Variants in RAB44 observed in about 807,000 individuals in gnomAD.
RAB44 encodes the protein RAB44, member RAS oncogene family.
Under a neutral mutation model 93.3 loss-of-function variants are expected in RAB44, and 67 were observed. The observed-to-expected ratio is 0.72, with a 90% CI of 0.59 to 0.88. RAB44 has a LOEUF of 0.88. Ranked by LOEUF, RAB44 falls within the 40% of genes least tolerant of loss-of-function variation. The pLI is 0.00. For missense variants in RAB44, 1,064 were observed against 1,261.7 expected, an observed-to-expected ratio of 0.84 and a Z score of 2.37; for synonymous variants, 427 against 520.3, an observed-to-expected ratio of 0.82 and a Z score of 2.44.
chr6:36,717,421 T>G lies in RAB44; in HGVS notation c.641+2T>G. The G allele has an allele frequency of 7.3e-6, 9 of 1,231,884 alleles. No homozygotes were observed. The highest frequency in any genetic ancestry group is 9.1e-6 in the Non-Finnish European group (9 of 987,968). The allele number at this position is 1,231,884 out of a possible 1,614,324, so 76.3% of individuals were successfully genotyped here. A position where few individuals can be genotyped will look rare whatever the true frequency, so the allele number is the denominator to read the frequency against. The stretch of plus-strand genomic sequence containing the variant: ...GGCCCTGGAGCTGACCCTGAGGAAG[T>G]GAGTGGGGGGCCTGGCCGGGTGTCT... On this transcript the variant is annotated splice_donor_variant, in intron 5 of 13. Coordinates refer to ENST00000612677, the MANE Select transcript of RAB44 (RefSeq NM_001257357.2). LOFTEE classifies it high-confidence loss of function. This position sits in a 1 kb window ranked among gnomAD's most constrained non-coding sequence, Gnocchi z 4.1.
Position 36,722,275 on chromosome 6 carries a change from A to C in RAB44, c.2141A>C (p.Asp714Ala). ...GCGCATTCGGAACTCCCCCAGCAAG[A>C]CTCTCTGCTTGTTTCTCTCCCATCT... ...ETAHSELPQQ[D>A]SLLVSLPSAT... Residue 714 changes from aspartate to alanine, a missense_variant, in exon 9 of 14, where the codon GAC (aspartate) becomes GCC (alanine). By Grantham distance (126) the Asp-to-Ala change is moderately radical. Coordinates refer to ENST00000612677, the MANE Select transcript of RAB44 (RefSeq NM_001257357.2). 1 of 1,290,570 alleles carries C rather than the reference A, an allele frequency of 7.7e-7. No homozygotes were observed. The highest frequency in any genetic ancestry group is 9.8e-7 in the Non-Finnish European group (1 of 1,021,046). 79.9% of individuals were successfully genotyped at this position (1,290,570 alleles called of 1,614,324 possible). A position where few individuals can be genotyped will look rare whatever the true frequency, so the allele number is the denominator to read the frequency against.
chr6:36,704,301 A>G lies in RAB44; in HGVS notation c.66A>G (p.Thr22=), dbSNP rs1465842827. ...TGGGCTCCAACCGGCGGCGGCAGAC[A>G]AGAGAGCCAGCTGATGGTGAAGGCG... ...RKLGSNRRRQ[T]REPADGEGAA... Residue 22 remains threonine, a synonymous_variant, in exon 2 of 14, where the codon ACA becomes ACG. Coordinates refer to ENST00000612677, the MANE Select transcript of RAB44 (RefSeq NM_001257357.2). 6.5e-7 allele frequency: 1 copy of G among 1,536,024 alleles called. No individual in the cohort carries two copies. Among genetic ancestry groups the G allele is most frequent in the African/African-American group, 1.4e-5 (1 of 73,048 alleles).
Position 36,725,958 on chromosome 6 carries a change from A to T in RAB44, c.2681+15A>T. On this transcript the variant is annotated intron_variant, in intron 10 of 13. Transcript: ENST00000612677. Reference sequence around the variant, plus strand: ...GGCCAAGAGAGGTAACAGGCACTGTATATCAGTGTGTCAGGAACCTAGGCT... The same window carrying T: ...GGCCAAGAGAGGTAACAGGCACTGTTTATCAGTGTGTCAGGAACCTAGGCT... 6.5e-7 allele frequency: 1 copy of T among 1,544,944 alleles called. No homozygotes were observed. Among genetic ancestry groups the T allele is most frequent in the Non-Finnish European group, 8.8e-7 (1 of 1,141,816 alleles).
chr6:36,701,982 G>A (rs1031882757), intron 1 of RAB44, among the ~76,000 whole-genome samples: 3 of 152,158 alleles, frequency 2.0e-5, no homozygotes, highest in Non-Finnish European at 2.9e-5. Context: ...GCACTGTACC[G>A]GCATTCAGTT....
chr6:36,711,199 G>A (rs1762778253), intron 2 of RAB44, among the ~76,000 whole-genome samples: 1 of 152,142 alleles, frequency 6.6e-6, no homozygotes, highest in Non-Finnish European at 1.5e-5. Context: ...TATAATTACT[G>A]TTGATACAAA....
Position 36,713,809 on chromosome 6 carries a change from A to G in RAB44, c.208-19A>G. The G allele has an allele frequency of 6.7e-7, 1 of 1,500,356 alleles. No homozygotes were observed. Among genetic ancestry groups the G allele is most frequent in the Non-Finnish European group, 9.0e-7 (1 of 1,114,418 alleles). The allele number at this position is 1,500,356 out of a possible 1,614,324, so 92.9% of individuals were successfully genotyped here. The stretch of plus-strand genomic sequence containing the variant: ...CTTCCCCGGTGGGAACACCTGCCCA[A>G]CTTGCCCATTCCTTCCAGGTGGCCA... On this transcript the variant is annotated intron_variant, in intron 2 of 13. Transcript: ENST00000612677.
At chr6:36,720,934 G>A (rs1763059054) in intron 8 of RAB44, among the ~76,000 whole-genome samples, 1 of 152,190 alleles carries the variant, frequency 6.6e-6, no homozygotes, top group African/African-American at 2.4e-5. Flanking sequence ...AAGGCTTCCT[G>A]GAGGAGGTGA....
At chr6:36,705,110 C>CAAAAAAA (rs759512832) in intron 2 of RAB44, among the ~76,000 whole-genome samples, 3 of 85,496 alleles carry the variant, frequency 3.5e-5, no homozygotes, top group Non-Finnish European at 4.9e-5. Context: ...GACTCCATCT[C>CAAAAAAA]AAAAAAAAAA....
chr6:36,730,763 G>A lies in RAB44; in HGVS notation c.2975+14G>A, dbSNP rs1030184895. The A allele has an allele frequency of 1.0e-4, 113 of 1,104,126 alleles. No homozygotes were observed. The Admixed American group carries it at 1.5e-3, about 15-fold the overall frequency. The allele number at this position is 1,104,126 out of a possible 1,614,324, so 68.4% of individuals were successfully genotyped here. A position where few individuals can be genotyped will look rare whatever the true frequency, so the allele number is the denominator to read the frequency against. On this transcript the variant is annotated intron_variant, in intron 13 of 13. Coordinates refer to ENST00000612677, the MANE Select transcript of RAB44 (RefSeq NM_001257357.2). ...AAACCTGGCCAGGTAAGTGCTGCCCGCCCCCCGCCGCCCCCACCCCCCCCC... is the reference window on the plus strand; with the variant it reads ...AAACCTGGCCAGGTAAGTGCTGCCCACCCCCCGCCGCCCCCACCCCCCCCC...
intron 10 of RAB44, among the ~76,000 whole-genome samples, chr6:36,727,137 GA>G (rs1194048490): frequency 5.3e-5 from 8 of 151,854 alleles, no homozygotes; most frequent in African/African-American, 1.9e-4. Flanking sequence ...CTGTTAACTG[GA>G]AAAAAACAAA....
intron 10 of RAB44, among the ~76,000 whole-genome samples, chr6:36,727,115 C>T (rs1368097240): frequency 6.6e-6 from 1 of 152,128 alleles, no homozygotes; most frequent in East Asian, 1.9e-4. Context: ...AGGGAAATTT[C>T]TCCAAGACAT....
intron 4 of RAB44, among the ~76,000 whole-genome samples, 182 bp downstream of exon 4, chr6:36,715,835 G>T (rs1016319468): frequency 6.6e-6 from 1 of 152,222 alleles, no homozygotes; most frequent in African/African-American, 2.4e-5. Context: ...TCTGTTTCCT[G>T]GGCTGCAGAA....
At chr6:36,702,414 G>A (rs6923899) in intron 1 of RAB44, among the ~76,000 whole-genome samples, 38,643 of 150,772 alleles carry the variant, frequency 0.26, 5,018 homozygotes, top group Non-Finnish European at 0.28. Flanking sequence ...AACCTGTGCC[G>A]TTCCCCTTGG....
chr6:36,714,036 C>G (rs1389382177), intron 3 of RAB44, 97 bp downstream of exon 3: 1 of 767,000 alleles, frequency 1.3e-6, no homozygotes, highest in South Asian at 1.6e-5. Context: ...CAACCCTTTT[C>G]CCAGGGACTT....
At chr6:36,700,668 G>A (rs766651230) in intron 1 of RAB44, among the ~76,000 whole-genome samples, 5 of 151,970 alleles carry the variant, frequency 3.3e-5, no homozygotes, top group African/African-American at 4.8e-5. Flanking sequence ...GAACTCCTGG[G>A]CTCAAGTGAT....
chr6:36,718,237 C>T (rs1762977123), intron 6 of RAB44, 119 bp downstream of exon 6: 8 of 617,304 alleles, frequency 1.3e-5, no homozygotes, highest in African/African-American at 3.8e-5. Context: ...TGAATCCTCT[C>T]CCTGCCCTGA....
chr6:36,711,371 G>C (rs781353398), intron 2 of RAB44, among the ~76,000 whole-genome samples: 15 of 152,122 alleles, frequency 9.9e-5, no homozygotes, highest in Non-Finnish European at 1.9e-4. Flanking sequence ...AACAAATATA[G>C]ATCTTATGAA....
Position 36,722,275 on chromosome 6 carries a change from A to G in RAB44, c.2141A>G (p.Asp714Gly), listed in dbSNP as rs933336019. Residue 714 changes from aspartate to glycine, a missense_variant, in exon 9 of 14, where the codon GAC (aspartate) becomes GGC (glycine). Asp to Gly is a moderately conservative substitution (Grantham distance 94). Transcript: ENST00000612677. ...GCGCATTCGGAACTCCCCCAGCAAG[A>G]CTCTCTGCTTGTTTCTCTCCCATCT... ...ETAHSELPQQ[D>G]SLLVSLPSAT... 20 of 1,290,454 alleles carry G rather than the reference A, an allele frequency of 1.5e-5. No homozygotes were observed. The African/African-American group carries it at 2.9e-4, about 18-fold the overall frequency. 79.9% of individuals were successfully genotyped at this position (1,290,454 alleles called of 1,614,324 possible).
intron 12 of RAB44, 61 bp downstream of exon 12, chr6:36,728,862 G>A (rs1763297904): frequency 7.3e-7 from 1 of 1,363,226 alleles, no homozygotes; most frequent in Admixed American, 2.0e-5. Context: ...TCCCTGGCAG[G>A]TGGTGGATAG....
Sources: gnomAD v4.1 joint callset for allele counts (sites outside exome capture counted in the v4.1 genomes callset) on GRCh38, gnomAD v4.1.1 for gene constraint, Gnocchi (gnomAD v3.1) non-coding constraint, MANE v1.5 for transcripts, NCBI Gene and HGNC (gene_info 2026-07-23, HGNC 2026-07-21) for gene names.